The following MORC2 variants were observed in gnomAD, a reference collection of about 807,000 sequenced individuals.
MORC2 encodes MORC family CW-type zinc finger 2.
A neutral mutation model predicts 136.0 loss-of-function variants in MORC2; 30 were observed. The ratio of observed to expected loss-of-function variants is 0.22; its 90% CI spans 0.17 to 0.30. The LOEUF (loss-of-function observed/expected upper bound fraction) is 0.30. Among genes scored for constraint, MORC2 ranks in the 10% least tolerant of loss-of-function variants. The probability of loss-of-function intolerance (pLI) is 1.00; values close to 1 mark genes in which losing one functional copy is unlikely to be tolerated. For missense variants in MORC2, 922 were observed against 1,333.1 expected (o/e 0.69, Z 4.80); for synonymous variants, 439 against 487.0 (o/e 0.90, Z 1.30).
chr22:30,947,263 T>A (rs539796409), intron 5 of MORC2, among the ~76,000 whole-genome samples: 20 of 152,342 alleles, frequency 1.3e-4, no homozygotes, highest in African/African-American at 4.6e-4. Flanking sequence ...AAAGTCTGAA[T>A]GGATTCAACT....
chr22:30,949,800 C>T lies in MORC2; in HGVS notation c.269G>A (p.Arg90Gln). 1.5e-5 allele frequency: 24 copies of T among 1,614,168 alleles called. No homozygotes were observed. The highest frequency in any genetic ancestry group is 1.9e-5 in the Non-Finnish European group (23 of 1,180,040). ...CCCAATCTGAGTAGACTCAGGTGTT[C>T]GCTTGGCCGACTTCCCAAACTGGAT... is the stretch of plus-strand genomic sequence containing the variant. ...SVIQFGKSAKRTPESTQIGQY... is the reference protein window; with the variant it reads ...SVIQFGKSAKQTPESTQIGQY... The change falls in exon 5 of 26, where the codon CGA (arginine) becomes CAA (glutamine). Residue 90 changes from arginine (R) to glutamine (Q), a missense_variant. This residue lies in a region of MORC2 where 5 missense variants were observed against 27.1 expected (regional missense o/e 0.18). Coordinates refer to ENST00000397641, the MANE Select transcript of MORC2 (RefSeq NM_001303256.3).
At chr22:30,933,330 G>A in intron 21 of MORC2, 136 bp downstream of exon 21, 1 of 949,032 alleles carries the variant, frequency 1.1e-6, no homozygotes, top group Non-Finnish European at 1.6e-6. Flanking sequence ...GATTAGACTT[G>A]GATCCACTGC....
chr22:30,929,600 T>G (rs1009439939), intron 24 of MORC2, among the ~76,000 whole-genome samples: 7 of 152,040 alleles, frequency 4.6e-5, no homozygotes, highest in Admixed American at 2.6e-4. Context: ...TATAAAAAAT[T>G]AGCCAGGCGT....
intron 6 of MORC2, among the ~76,000 whole-genome samples, chr22:30,945,191 A>T (rs903814497): frequency 6.6e-6 from 1 of 152,176 alleles, no homozygotes; most frequent in Non-Finnish European, 1.5e-5. Flanking sequence ...AACCCAGGCT[A>T]TATTTTCCTA....
chr22:30,939,123 C>T (rs1026576422), intron 12 of MORC2, among the ~76,000 whole-genome samples: 1 of 152,080 alleles, frequency 6.6e-6, no homozygotes, highest in African/African-American at 2.4e-5. Flanking sequence ...ACTTAATGAT[C>T]CAGGACAAAT....
chr22:30,968,669 C>T lies in MORC2; in HGVS notation c.-780G>A, dbSNP rs1215562679. On this transcript the variant is annotated 5_prime_UTR_variant, in exon 1 of 26. Coordinates refer to ENST00000397641, the MANE Select transcript of MORC2 (RefSeq NM_001303256.3). ...CCAGGCCCTTCCCGGGCCTCGGTCC[C>T]GTGGCCGCCTCCCCACGAAGAGGAG... Among the ~76,000 whole-genome samples the T allele has an allele frequency of 2.0e-5, 3 of 152,140 alleles. No homozygotes were observed. Among genetic ancestry groups the T allele is most frequent in the African/African-American group, 7.2e-5 (3 of 41,430 alleles).
At position 30,932,341 on chromosome 22, in the gene MORC2, A is replaced by T. The variant is rs1260253974; in HGVS notation, c.2841+18T>A. The T allele has an allele frequency of 2.5e-6, 4 of 1,586,280 alleles. No individual in the cohort carries two copies. Among genetic ancestry groups the T allele is most frequent in the African/African-American group, 1.3e-5 (1 of 74,128 alleles). On this transcript the variant is annotated intron_variant, in intron 24 of 25. Coordinates refer to ENST00000397641, the MANE Select transcript of MORC2 (RefSeq NM_001303256.3). This position sits in a 1 kb window ranked among gnomAD's most constrained non-coding sequence, Gnocchi z 4.4. ...GGGGGAATGAAGAGTGTGGAATCGA[A>T]GGTCAGGCCAGACTCACCAGAGGAA...
chr22:30,935,349 T>C (rs1005248939), intron 17 of MORC2, 27 bp from the exon 18 acceptor site: 2 of 1,606,862 alleles, frequency 1.2e-6, no homozygotes, highest in Non-Finnish European at 1.7e-6. Context: ...ATGATGAAGT[T>C]GTTTGCATAT....
rs2040639169 is a variant in MORC2, at chr22:30,935,405, G to C, written c.1738-83C>G. On this transcript the variant is annotated intron_variant, in intron 17 of 25. Transcript: ENST00000397641. ...TTTTTGGATAGTGTCTGGAACCAGG[G>C]ACAAAAAAAATAGAAAACCTGAGCC... is the stretch of plus-strand genomic sequence containing the variant. 2.2e-6 allele frequency: 3 copies of C among 1,374,266 alleles called. No homozygotes were observed. In the African/African-American group the frequency reaches 4.3e-5, roughly 20 times the overall value. The allele number at this position is 1,374,266 out of a possible 1,614,324, so 85.1% of individuals were successfully genotyped here.
chr22:30,942,893 T>TACTC (rs1258409214), intron 6 of MORC2, among the ~76,000 whole-genome samples: 2 of 152,094 alleles, frequency 1.3e-5, no homozygotes, highest in Non-Finnish European at 2.9e-5. Flanking sequence ...TAGCCCCAGC[T>TACTC]ACTCAGGAGG....
chr22:30,939,977 G>A lies in MORC2; in HGVS notation c.969C>T (p.Asp323=), dbSNP rs199973357. The part of the protein sequence containing the change: ...ARTLEVRLGG[D]LTRDSRVMLR... ...ACCTTACCCTGGAGTCCCGCGTGAG[G>A]TCTCCACCTAGGCGTACTTCTAATG... Residue 323 remains aspartate, a synonymous_variant, in exon 11 of 26, where the codon GAC becomes GAT. Transcript: ENST00000397641. 1.2e-6 allele frequency: 2 copies of A among 1,613,998 alleles called. No homozygotes were observed. Among genetic ancestry groups the A allele is most frequent in the Non-Finnish European group, 1.7e-6 (2 of 1,180,024 alleles).
intron 12 of MORC2, 127 bp downstream of exon 12, chr22:30,939,494 G>T: frequency 2.3e-6 from 2 of 869,740 alleles, no homozygotes; most frequent in Non-Finnish European, 3.5e-6. Flanking sequence ...CTTCCCTCCT[G>T]CAGGAGGCAT....
At chr22:30,929,424 G>A (rs1202153186) in intron 24 of MORC2, among the ~76,000 whole-genome samples, 3 of 152,134 alleles carry the variant, frequency 2.0e-5, no homozygotes, top group Admixed American at 6.5e-5. Context: ...ATGAACAGTA[G>A]ACTTTGTTTT....
chr22:30,938,849 G>A (rs1293610804), intron 12 of MORC2, among the ~76,000 whole-genome samples: 1 of 152,182 alleles, frequency 6.6e-6, no homozygotes, highest in South Asian at 2.1e-4. Flanking sequence ...GATTACAGGC[G>A]TGAGCCACCG....
chr22:30,960,684 T>C (rs1000791205), intron 1 of MORC2, among the ~76,000 whole-genome samples: 1 of 150,692 alleles, frequency 6.6e-6, no homozygotes, highest in Admixed American at 6.6e-5. Context: ...AGAGACGGGG[T>C]TTCTCCATGT....
chr22:30,948,039 C>T (rs1364298751), intron 5 of MORC2, among the ~76,000 whole-genome samples: 4 of 152,300 alleles, frequency 2.6e-5, no homozygotes, highest in African/African-American at 7.2e-5. Flanking sequence ...CACTGAAATA[C>T]GCTAATAACA....
In MORC2 at chr22:30,933,182, C is replaced by G. The variant is rs977418015; in HGVS notation, c.2381-152G>C. 1.0e-5 allele frequency: 12 copies of G among 1,201,298 alleles called. No homozygotes were observed. The Admixed American group carries it at 2.5e-4, about 25-fold the overall frequency. The allele number at this position is 1,201,298 out of a possible 1,614,324, so 74.4% of individuals were successfully genotyped here. On this transcript the variant is annotated intron_variant, in intron 21 of 25. Transcript: ENST00000397641. ...ACACCAGGGACACAGAGACCAGGGA[C>G]CAGCCACCATGGTCTCCTTCCCCAT...
At chr22:30,939,852 T>G in intron 11 of MORC2, 107 bp downstream of exon 11, 2 of 1,365,594 alleles carry the variant, frequency 1.5e-6, no homozygotes, top group Non-Finnish European at 2.0e-6. Context: ...AAAACAGCCC[T>G]CACTGGGGAC....
intron 1 of MORC2, among the ~76,000 whole-genome samples, chr22:30,960,083 T>C (rs1050841848): frequency 2.0e-5 from 3 of 152,218 alleles, no homozygotes; most frequent in Non-Finnish European, 4.4e-5. Flanking sequence ...TTCTCCTGCC[T>C]TGGCCTCCAG....
Sources: allele counts gnomAD v4.1 joint callset (sites outside exome capture counted in the v4.1 genomes callset), GRCh38; gene constraint gnomAD v4.1.1; regional missense constraint gnomAD v4.1.1; non-coding constraint Gnocchi (gnomAD v3.1); transcripts MANE v1.5; gene names NCBI Gene and HGNC (gene_info 2026-07-23, HGNC 2026-07-21).